Variants in OTUD7A observed in about 807,000 individuals in gnomAD.
OTUD7A encodes OTU deubiquitinase 7A.
OTUD7A carries 12 observed loss-of-function variants against 65.7 expected under a neutral mutation model. The observed-to-expected ratio is 0.18, with a 90% CI of 0.12 to 0.30. The LOEUF is 0.30. Ranked by LOEUF, OTUD7A falls within the 10% of genes least tolerant of loss-of-function variation. OTUD7A has a pLI of 1.00. For missense variants in OTUD7A, 1,148 were observed against 1,304.8 expected (o/e 0.88, Z 1.85); for synonymous variants, 641 against 586.3 (o/e 1.09, Z -1.35).
chr15:31,491,439 T>C (rs1012645750), intron 10 of OTUD7A, among the ~76,000 whole-genome samples: 10 of 152,112 alleles, frequency 6.6e-5, no homozygotes, highest in Non-Finnish European at 8.8e-5. Flanking sequence ...AACCTCAAGA[T>C]AGGTTACTAG....
chr15:31,867,655 C>T (rs1377557991), intron 1 of OTUD7A, among the ~76,000 whole-genome samples: 2 of 152,230 alleles, frequency 1.3e-5, no homozygotes, highest in Non-Finnish European at 2.9e-5. Flanking sequence ...ATGACCAGGA[C>T]ACCAGCCTGT....
chr15:31,714,042 T>A (rs1248179402), intron 1 of OTUD7A, among the ~76,000 whole-genome samples: 1 of 147,834 alleles, frequency 6.8e-6, no homozygotes. Context: ...GTGTAATTAG[T>A]AAGGCAACTT....
intron 3 of OTUD7A, among the ~76,000 whole-genome samples, chr15:31,610,846 G>A (rs939690144): frequency 6.6e-6 from 1 of 151,078 alleles, no homozygotes; most frequent in South Asian, 2.1e-4. Flanking sequence ...AGCCAGGATG[G>A]TCTCGATCTC....
chr15:31,726,103 C>A (rs893854666), intron 1 of OTUD7A, among the ~76,000 whole-genome samples: 8 of 151,206 alleles, frequency 5.3e-5, no homozygotes, highest in African/African-American at 1.2e-4. Flanking sequence ...AATATTCAAG[C>A]GCCCAAGACT....
intron 1 of OTUD7A, among the ~76,000 whole-genome samples, chr15:31,821,348 G>A (rs143350812): frequency 2.4e-3 from 304 of 128,422 alleles, no homozygotes; most frequent in Middle Eastern, 9.5e-3. Context: ...GTTTCACCAT[G>A]TTGGCCATGA....
At chr15:31,860,622 G>GATAAATAT (rs59869625) in intron 1 of OTUD7A, among the ~76,000 whole-genome samples, 475 of 26,854 alleles carry the variant, frequency 0.018, 35 homozygotes, top group Non-Finnish European at 0.03. Context: ...CAGAAGTGGA[G>GATAAATAT]ATATATATAT....
intron 1 of OTUD7A, among the ~76,000 whole-genome samples, chr15:31,721,081 C>G (rs1280126634): frequency 6.6e-6 from 1 of 152,266 alleles, no homozygotes; most frequent in Non-Finnish European, 1.5e-5. Context: ...TAGGTTTGTA[C>G]AAGCACACTC....
chr15:31,583,535 C>A (rs1408578656), intron 3 of OTUD7A, among the ~76,000 whole-genome samples: 1 of 151,912 alleles, frequency 6.6e-6, no homozygotes, highest in Non-Finnish European at 1.5e-5. Context: ...TGGTTTCCCC[C>A]ATACTGTTCT....
chr15:31,617,279 G>C (rs113985392), intron 3 of OTUD7A, among the ~76,000 whole-genome samples: 36 of 152,264 alleles, frequency 2.4e-4, no homozygotes, highest in African/African-American at 8.4e-4. Context: ...ACGAGGTCAA[G>C]AGATTGAGAC....
At chr15:31,604,516 C>G (rs1890178551) in intron 3 of OTUD7A, among the ~76,000 whole-genome samples, 1 of 152,048 alleles carries the variant, frequency 6.6e-6, no homozygotes, top group Non-Finnish European at 1.5e-5. Context: ...ATGGGTGCAG[C>G]AAACCACCAT....
At chr15:31,841,981 A>T (rs925251717) in intron 1 of OTUD7A, among the ~76,000 whole-genome samples, 1 of 152,220 alleles carries the variant, frequency 6.6e-6, no homozygotes, top group East Asian at 1.9e-4. Flanking sequence ...GTCCAAAGCC[A>T]TACTGTTCAT....
At chr15:31,732,692 T>C (rs764287906) in intron 1 of OTUD7A, among the ~76,000 whole-genome samples, 11 of 152,320 alleles carry the variant, frequency 7.2e-5, no homozygotes, top group East Asian at 3.9e-4. Context: ...CCAGAAAATA[T>C]TGTATTAGTG....
At chr15:31,613,344 C>G (rs1890486985) in intron 3 of OTUD7A, among the ~76,000 whole-genome samples, 1 of 152,134 alleles carries the variant, frequency 6.6e-6, no homozygotes. Context: ...GAACAGCCAG[C>G]AGAGTAAACA....
At chr15:31,577,580 A>G (rs1889240469) in intron 3 of OTUD7A, among the ~76,000 whole-genome samples, 1 of 152,118 alleles carries the variant, frequency 6.6e-6, no homozygotes, top group Non-Finnish European at 1.5e-5. Flanking sequence ...CCTAAAATGT[A>G]TAAAACAAAA....
intron 3 of OTUD7A, among the ~76,000 whole-genome samples, chr15:31,609,018 C>A (rs1890318343): frequency 6.6e-6 from 1 of 152,140 alleles, no homozygotes; most frequent in Admixed American, 6.5e-5. Context: ...AGTTTCTGAC[C>A]TTACCTGGAG....
chr15:31,526,248 G>A (rs1032757861), intron 8 of OTUD7A, 101 bp downstream of exon 8: 95 of 1,177,952 alleles, frequency 8.1e-5, no homozygotes, highest in Non-Finnish European at 1.0e-4. Context: ...CACAGCACAA[G>A]AGTCCCACAT....
intron 1 of OTUD7A, among the ~76,000 whole-genome samples, chr15:31,713,816 AG>A (rs1893511456): frequency 6.6e-6 from 1 of 151,966 alleles, no homozygotes; most frequent in South Asian, 2.1e-4. Flanking sequence ...TCAATTCAAT[AG>A]CAAAATGGAA....
At chr15:31,627,749 C>T (rs954196490) in intron 3 of OTUD7A, among the ~76,000 whole-genome samples, 4 of 152,136 alleles carry the variant, frequency 2.6e-5, no homozygotes, top group Non-Finnish European at 4.4e-5. Flanking sequence ...CTCTCCAGCA[C>T]CTGTTGTTTC....
At chr15:31,840,609 G>A (rs922868039) in intron 1 of OTUD7A, among the ~76,000 whole-genome samples, 12 of 152,088 alleles carry the variant, frequency 7.9e-5, no homozygotes, top group East Asian at 3.9e-4. Context: ...ACTGTTTTTC[G>A]GTCTTTTTTT....
Sources: allele counts gnomAD v4.1 joint callset (sites outside exome capture counted in the v4.1 genomes callset), GRCh38; gene constraint gnomAD v4.1.1; transcripts MANE v1.5; gene names NCBI Gene and HGNC (gene_info 2026-07-23, HGNC 2026-07-21).